Variants in FBN1 observed in about 807,000 individuals in gnomAD.
FBN1 encodes the protein fibrillin-1.
FBN1 carries 29 observed loss-of-function variants against 365.1 expected under a neutral mutation model. That is an observed-to-expected ratio of 0.08 (90% CI 0.06 to 0.11). FBN1 has a LOEUF of 0.11. Ranked by LOEUF, FBN1 falls within the 10% of genes least tolerant of loss-of-function variation. FBN1 has a pLI of 1.00. For missense variants in FBN1, 2,476 were observed against 3,703.2 expected, an observed-to-expected ratio of 0.67 and a Z score of 8.60; for synonymous variants, 1,210 against 1,270.5, an observed-to-expected ratio of 0.95 and a Z score of 1.01.
intron 10 of FBN1, among the ~76,000 whole-genome samples, chr15:48,516,568 T>C (rs1213500292): frequency 6.6e-6 from 1 of 152,142 alleles, no homozygotes; most frequent in African/African-American, 2.4e-5. Flanking sequence ...GGAACAATAA[T>C]TCAAATCCAA....
chr15:48,517,199 C>T (rs1291367974), intron 10 of FBN1, among the ~76,000 whole-genome samples: 6 of 152,084 alleles, frequency 3.9e-5, no homozygotes, highest in South Asian at 2.1e-4. Context: ...GCTATCACTT[C>T]GCAGTTGTAA....
intron 64 of FBN1, among the ~76,000 whole-genome samples, chr15:48,414,142 G>A (rs1420033585): frequency 6.6e-6 from 1 of 152,128 alleles, no homozygotes; most frequent in African/African-American, 2.4e-5. Flanking sequence ...AATCCCACTG[G>A]CCAAAAGCCA....
intron 50 of FBN1, among the ~76,000 whole-genome samples, chr15:48,439,138 T>C (rs1001449689): frequency 6.6e-6 from 1 of 152,224 alleles, no homozygotes; most frequent in Non-Finnish European, 1.5e-5. Context: ...TTGCCAGAGA[T>C]AACAAAGGAA....
intron 6 of FBN1, among the ~76,000 whole-genome samples, chr15:48,569,802 G>C (rs1475125990): frequency 1.3e-5 from 2 of 152,202 alleles, no homozygotes; most frequent in East Asian, 3.9e-4. Context: ...GAGAGAGCAA[G>C]GATTTTTTGC....
intron 43 of FBN1, among the ~76,000 whole-genome samples, chr15:48,459,512 T>G (rs996199730): frequency 6.6e-6 from 1 of 152,160 alleles, no homozygotes; most frequent in African/African-American, 2.4e-5. Context: ...ATAAAGCAAG[T>G]GGTGATGTTT....
At chr15:48,414,340 A>G (rs2042885785) in intron 64 of FBN1, among the ~76,000 whole-genome samples, 1 of 152,254 alleles carries the variant, frequency 6.6e-6, no homozygotes, top group Non-Finnish European at 1.5e-5. Flanking sequence ...TTTGTATGTC[A>G]AGAAATCAAA....
chr15:48,423,251 A>G (rs9920570), intron 60 of FBN1, among the ~76,000 whole-genome samples: 98,075 of 152,160 alleles, frequency 0.64, 33,301 homozygotes, highest in Middle Eastern at 0.77. Context: ...CACCATCTGC[A>G]CAACTGCTTT....
At chr15:48,447,248 A>C (rs937298876) in intron 46 of FBN1, among the ~76,000 whole-genome samples, 4 of 152,050 alleles carry the variant, frequency 2.6e-5, no homozygotes, top group Admixed American at 1.3e-4. Context: ...AAAAGCAGTG[A>C]CTCACCTGGC....
rs140598 is a variant in FBN1 at position 48,487,333 on chromosome 15, G to C, written c.3442C>G (p.Pro1148Ala). Residue 1148 changes from proline to alanine, a missense_variant, in exon 28 of 66, where the codon CCC becomes GCC. Pro to Ala is a conservative substitution (Grantham distance 27, BLOSUM62 -1). Coordinates refer to ENST00000316623, the MANE Select transcript of FBN1 (RefSeq NM_000138.5). The stretch of plus-strand genomic sequence containing the variant: ...TTACCGATACACGCGGAGATGTTGG[G>C]GGACAGCTGATGGCCAGGCGGGCAT... ...CECPPGHQLS[P>A]NISACIDINE... 0.012 allele frequency: 19,840 copies of C among 1,614,216 alleles called. 1,844 individuals carry two copies. The East Asian group carries it at 0.26, about 21-fold the overall frequency.
rs142137874 is a variant in FBN1 at position 48,638,952 on chromosome 15, T to C, written c.164+5654A>G. Among the ~76,000 whole-genome samples, 728 of 152,344 alleles carry C rather than the reference T, an allele frequency of 4.8e-3. 2 individuals carry two copies. The highest frequency in any genetic ancestry group is 7.9e-3 in the Non-Finnish European group (538 of 68,032). ...GTCAAGGTCTAATATTAAAATATAA[T>C]ACGCTGTCCAAAGTCCCACTGGCTC... is the stretch of plus-strand genomic sequence containing the variant. On this transcript the variant is annotated intron_variant, in intron 2 of 65. Transcript: ENST00000316623.
intron 9 of FBN1, among the ~76,000 whole-genome samples, chr15:48,524,158 A>G (rs2043886853): frequency 6.6e-6 from 1 of 152,180 alleles, no homozygotes; most frequent in African/African-American, 2.4e-5. Context: ...AGACAACCCT[A>G]CAGGCAATAT....
At chr15:48,434,737 CA>C (rs1566895307) in intron 53 of FBN1, 24 bp from the exon 54 acceptor site, 1 of 1,611,898 alleles carries the variant, frequency 6.2e-7, no homozygotes, top group Admixed American at 1.7e-5. Flanking sequence ...GGAATGTGTC[CA>C]AAACATGATG....
chr15:48,640,309 C>T (rs1890175688), intron 2 of FBN1, among the ~76,000 whole-genome samples: 1 of 152,154 alleles, frequency 6.6e-6, no homozygotes, highest in East Asian at 1.9e-4. Context: ...TTTAAGAACA[C>T]TATATCCTTT....
At chr15:48,516,137 C>T (rs1024820578) in intron 11 of FBN1, 46 bp downstream of exon 11, 4 of 1,537,742 alleles carry the variant, frequency 2.6e-6, no homozygotes, top group Non-Finnish European at 3.6e-6. Flanking sequence ...AAAATGTTAA[C>T]TTGAACAATG....
At position 48,420,727 on chromosome 15, in the gene FBN1, G is replaced by A. The variant is rs1321568765; in HGVS notation, c.7779C>T (p.Pro2593=). ...ACTGGTAGTGCTGGAGGTAGCCCTG[G>A]GGGCAGCTGCACCTGTAGCCCCCAA... The part of the protein sequence containing the change: ...NIIGGYRCSC[P]QGYLQHYQWN... Residue 2593 remains proline, a synonymous_variant, in exon 63 of 66, where the codon CCC becomes CCT. Coordinates refer to ENST00000316623, the MANE Select transcript of FBN1 (RefSeq NM_000138.5). 3.7e-6 allele frequency: 6 copies of A among 1,614,082 alleles called. No homozygotes were observed. Among genetic ancestry groups the A allele is most frequent in the South Asian group, 1.1e-5 (1 of 91,076 alleles).
chr15:48,617,106 C>A (rs748839696), intron 2 of FBN1, among the ~76,000 whole-genome samples: 2 of 152,090 alleles, frequency 1.3e-5, no homozygotes, highest in Non-Finnish European at 2.9e-5. Flanking sequence ...ATAAGTAACA[C>A]AAATCACAGA....
chr15:48,644,885 G>T lies in FBN1; in HGVS notation c.-116C>A, dbSNP rs1890267794. On this transcript the variant is annotated 5_prime_UTR_variant, in exon 2 of 66. Coordinates refer to ENST00000316623, the MANE Select transcript of FBN1 (RefSeq NM_000138.5). ...CCGGGGTCCCGCTATCCCGCCGCCCGTCCCCCGGGCCGGGCTCCTCCCGCC... is the reference window on the plus strand; with the variant it reads ...CCGGGGTCCCGCTATCCCGCCGCCCTTCCCCCGGGCCGGGCTCCTCCCGCC... The T allele has an allele frequency of 2.8e-6, 3 of 1,076,596 alleles. No individual in the cohort carries two copies. The highest frequency in any genetic ancestry group is 4.4e-5 in the Admixed American group (1 of 22,482). The allele number at this position is 1,076,596 out of a possible 1,614,324, so 66.7% of individuals were successfully genotyped here. A position where few individuals can be genotyped will look rare whatever the true frequency, so the allele number is the denominator to read the frequency against.
intron 32 of FBN1, among the ~76,000 whole-genome samples, chr15:48,474,938 A>C (rs2043407687): frequency 6.6e-6 from 1 of 152,192 alleles, no homozygotes; most frequent in Non-Finnish European, 1.5e-5. Context: ...AGACCATAAA[A>C]AATGAGTTGC....
chr15:48,517,645 ATTTAT>A (rs1264522243), intron 10 of FBN1, among the ~76,000 whole-genome samples: 3 of 152,222 alleles, frequency 2.0e-5, no homozygotes, highest in Non-Finnish European at 2.9e-5. Flanking sequence ...CCAAGGATGT[ATTTAT>A]TTTATTTATT....
Sources: gnomAD v4.1 joint callset for allele counts (sites outside exome capture counted in the v4.1 genomes callset) on GRCh38, gnomAD v4.1.1 for gene constraint, MANE v1.5 for transcripts, NCBI Gene and HGNC (gene_info 2026-07-23, HGNC 2026-07-21) for gene names.